PSTPIP2: variants seen among roughly 807,000 people sequenced by gnomAD.
PSTPIP2 encodes the protein proline-serine-threonine phosphatase-interacting protein 2.
A neutral mutation model predicts 63.3 loss-of-function variants in PSTPIP2; 33 were observed. That is an observed-to-expected ratio of 0.52 (90% CI 0.40 to 0.70). PSTPIP2 has a LOEUF of 0.70. Ranked by LOEUF, PSTPIP2 falls within the 30% of genes least tolerant of loss-of-function variation. PSTPIP2 has a pLI of 0.00. For synonymous variants in PSTPIP2, 125 were observed against 132.7 expected, an observed-to-expected ratio of 0.94 and a Z score of 0.40; for missense variants, 312 against 400.7, an observed-to-expected ratio of 0.78 and a Z score of 1.89.
intron 14 of PSTPIP2, among the ~76,000 whole-genome samples, chr18:45,986,799 A>G (rs1264881515): frequency 6.6e-6 from 1 of 152,248 alleles, no homozygotes; most frequent in Non-Finnish European, 1.5e-5. Flanking sequence ...AAGCAATTAT[A>G]TTAAGCAATT....
chr18:46,020,955 T>C (rs1157539538), intron 3 of PSTPIP2, among the ~76,000 whole-genome samples: 7 of 152,218 alleles, frequency 4.6e-5, no homozygotes, highest in Admixed American at 2.0e-4. Flanking sequence ...AAATATCTTT[T>C]GCAGGAAGTA....
At chr18:46,070,281 G>A (rs1909347079) in intron 1 of PSTPIP2, among the ~76,000 whole-genome samples, 1 of 152,212 alleles carries the variant, frequency 6.6e-6, no homozygotes, top group South Asian at 2.1e-4. Flanking sequence ...AGTACTCACT[G>A]ACATGTTTGT....
intron 2 of PSTPIP2, chr18:46,029,252 C>A (rs1907702703): frequency 1.6e-6 from 2 of 1,255,834 alleles, no homozygotes; most frequent in Admixed American, 3.4e-5. Context: ...TTGAAGATGT[C>A]TCCCCAGATG....
At chr18:46,026,351 T>C (rs980527512) in intron 2 of PSTPIP2, among the ~76,000 whole-genome samples, 3 of 152,252 alleles carry the variant, frequency 2.0e-5, no homozygotes, top group African/African-American at 7.2e-5. Flanking sequence ...TATACGCTTA[T>C]TGTTTATTTG....
At chr18:46,052,141 G>A (rs1470626763) in intron 1 of PSTPIP2, among the ~76,000 whole-genome samples, 1 of 152,234 alleles carries the variant, frequency 6.6e-6, no homozygotes, top group Non-Finnish European at 1.5e-5. Context: ...AGCAAGCCAG[G>A]TCAAACAACA....
At chr18:46,028,769 A>G (rs985339198) in intron 2 of PSTPIP2, 20 of 1,074,206 alleles carry the variant, frequency 1.9e-5, no homozygotes, top group Non-Finnish European at 2.7e-5. Context: ...GAATTCCAGC[A>G]TGCCGTGGGA....
chr18:46,028,405 G>T, intron 2 of PSTPIP2: 1 of 528,560 alleles, frequency 1.9e-6, no homozygotes, highest in South Asian at 1.5e-5. Context: ...CGCGGCGAGG[G>T]AAGAGGAGAG....
At chr18:46,051,343 T>C (rs1055600455) in intron 1 of PSTPIP2, among the ~76,000 whole-genome samples, 1 of 151,966 alleles carries the variant, frequency 6.6e-6, no homozygotes, top group African/African-American at 2.4e-5. Flanking sequence ...GGGTGCATGG[T>C]GGGCACCTGT....
intron 1 of PSTPIP2, among the ~76,000 whole-genome samples, chr18:46,066,846 G>C (rs1038155671): frequency 1.1e-4 from 16 of 152,138 alleles, no homozygotes; most frequent in Admixed American, 9.2e-4. Flanking sequence ...CCAACCTGGT[G>C]AAACCCCCGT....
intron 1 of PSTPIP2, among the ~76,000 whole-genome samples, chr18:46,051,385 G>C (rs1186177842): frequency 6.6e-6 from 1 of 152,020 alleles, no homozygotes; most frequent in Admixed American, 6.5e-5. Context: ...TGAGGTGGGA[G>C]AATCACTTGA....
At chr18:46,070,868 A>G (rs373516248) in intron 1 of PSTPIP2, among the ~76,000 whole-genome samples, 4 of 152,214 alleles carry the variant, frequency 2.6e-5, no homozygotes, top group African/African-American at 9.6e-5. Context: ...TGTCTCCACG[A>G]ACCAGTTCCT....
intron 1 of PSTPIP2, among the ~76,000 whole-genome samples, chr18:46,042,856 C>G (rs569611856): frequency 1.5e-4 from 23 of 152,274 alleles, no homozygotes; most frequent in African/African-American, 5.1e-4. Flanking sequence ...GTAACATACA[C>G]AGGAGTTTCC....
At chr18:45,997,643 C>CCCTCCCCTCCCCCT (rs2051612081) in intron 9 of PSTPIP2, 106 bp downstream of exon 9, 1 of 94,710 alleles carries the variant, frequency 1.1e-5, no homozygotes, top group African/African-American at 5.4e-5. Context: ...CCCCTTCCCT[C>CCCTCCCCTCCCCCT]CCTCCCCTCC....
At chr18:46,028,155 T>C (rs769704221) in intron 2 of PSTPIP2, among the ~76,000 whole-genome samples, 1 of 152,208 alleles carries the variant, frequency 6.6e-6, no homozygotes, top group African/African-American at 2.4e-5. Flanking sequence ...AGTGAGACAG[T>C]GTCTCAAAAA....
At chr18:46,072,081 C>A in intron 1 of PSTPIP2, 75 bp downstream of exon 1, 1 of 1,496,286 alleles carries the variant, frequency 6.7e-7, no homozygotes, top group South Asian at 1.3e-5. Flanking sequence ...GGGGAGCCCC[C>A]CACGCCCGCC....
intron 1 of PSTPIP2, among the ~76,000 whole-genome samples, chr18:46,071,227 G>A (rs1040956361): frequency 1.3e-5 from 2 of 152,172 alleles, no homozygotes; most frequent in African/African-American, 4.8e-5. Context: ...ACCTGGGTGG[G>A]TGGTGGGGGG....
intron 1 of PSTPIP2, among the ~76,000 whole-genome samples, chr18:46,067,920 A>G (rs1282281436): frequency 6.6e-6 from 1 of 152,192 alleles, no homozygotes; most frequent in Non-Finnish European, 1.5e-5. Context: ...AATTACAGCA[A>G]CAATCTAAAC....
chr18:45,995,318 G>A (rs907315315), intron 9 of PSTPIP2, among the ~76,000 whole-genome samples: 1 of 152,062 alleles, frequency 6.6e-6, no homozygotes, highest in African/African-American at 2.4e-5. Context: ...GCCCAGGCTG[G>A]TCTTGAACTC....
chr18:46,058,536 T>C (rs1908860502), intron 1 of PSTPIP2, among the ~76,000 whole-genome samples: 1 of 151,992 alleles, frequency 6.6e-6, no homozygotes, highest in Admixed American at 6.6e-5. Flanking sequence ...ATTTTTTGTA[T>C]TTGTAGTAGA....
Sources: allele counts gnomAD v4.1 joint callset (sites outside exome capture counted in the v4.1 genomes callset), GRCh38; gene constraint gnomAD v4.1.1; transcripts MANE v1.5; gene names NCBI Gene and HGNC (gene_info 2026-07-23, HGNC 2026-07-21).